CRB3: variants seen among roughly 807,000 people sequenced by gnomAD.
CRB3 encodes crumbs cell polarity complex component 3, also known as protein crumbs homolog 3.
In CRB3, 4 loss-of-function variants were observed where a neutral mutation model predicts 10.4. The ratio of observed to expected loss-of-function variants is 0.39; its 90% CI spans 0.19 to 0.88. CRB3 has a LOEUF of 0.88. CRB3 is among the 40% of genes least tolerant of loss of function. The pLI is 0.39. For synonymous variants in CRB3, 74 were observed against 73.4 expected, an observed-to-expected ratio of 1.01 and a Z score of -0.04; for missense variants, 154 against 160.2, an observed-to-expected ratio of 0.96 and a Z score of 0.21.
Position 6,467,203 on chromosome 19 carries a change from G to A in CRB3, c.*531G>A, listed in dbSNP as rs749180818. 3.0e-5 allele frequency: 16 copies of A among 530,754 alleles called. No homozygotes were observed. Among genetic ancestry groups the A allele is most frequent in the Admixed American group, 7.2e-5 (2 of 27,626 alleles). 32.9% of individuals were successfully genotyped at this position (530,754 alleles called of 1,614,324 possible). The stretch of plus-strand genomic sequence containing the variant: ...ACTTTTATATATTTATATAAAATTA[G>A]TAGTGAGATGTAACAAAAGCTTTAT... On this transcript the variant is annotated 3_prime_UTR_variant, in exon 4 of 4. Coordinates refer to ENST00000600229, the MANE Select transcript of CRB3 (RefSeq NM_139161.5).
Position 6,466,660 on chromosome 19 carries a change from G to A in CRB3, c.351G>A (p.Glu117=). The A allele has an allele frequency of 6.2e-7, 1 of 1,600,802 alleles. No individual in the cohort carries two copies. The highest frequency in any genetic ancestry group is 8.5e-7 in the Non-Finnish European group (1 of 1,179,722). The change falls in exon 4 of 4, where the codon GAG becomes GAA. Residue 117 remains glutamate, a synonymous_variant. Coordinates refer to ENST00000600229, the MANE Select transcript of CRB3 (RefSeq NM_139161.5). The surrounding 1 kb of genome is among the most constrained non-coding windows in gnomAD (Gnocchi z 4.9). ...PTPNLKLPPE[E]RLI ...CCAACCTCAAGTTGCCGCCGGAAGA[G>A]CGGCTCATCTGAACGCTGGGGCCTG...
chr19:6,466,631 A>AC lies in CRB3; in HGVS notation c.327dup (p.Asn110GlnfsTer129). 1 of 1,602,992 alleles carries AC rather than the reference A, an allele frequency of 6.2e-7. No homozygotes were observed. The highest frequency in any genetic ancestry group is 8.5e-7 in the Non-Finnish European group (1 of 1,179,730). On this transcript the variant is annotated frameshift_variant, in exon 4 of 4. Transcript: ENST00000600229. LOFTEE classifies it high-confidence loss of function. This position sits in a 1 kb window ranked among gnomAD's most constrained non-coding sequence, Gnocchi z 4.9. Reference sequence around the variant, plus strand: ...GCAGGTGGGTGCCCGCGTGCCACCGACCCCCAACCTCAAGTTGCCGCCGGA... The same window carrying AC: ...GCAGGTGGGTGCCCGCGTGCCACCGACCCCCCAACCTCAAGTTGCCGCCGGA...
At chr19:6,465,060 G>T in intron 2 of CRB3, 1 of 342,954 alleles carries the variant, frequency 2.9e-6, no homozygotes, top group Non-Finnish European at 5.2e-6. Context: ...TAGGACTTGG[G>T]GGGAGGTAAG....
Position 6,464,534 on chromosome 19 carries a change from G to A in CRB3, c.-94-74G>A. 4 of 403,422 alleles carry A rather than the reference G, an allele frequency of 9.9e-6. No individual in the cohort carries two copies. The highest frequency in any genetic ancestry group is 1.7e-5 in the Non-Finnish European group (4 of 231,782). The allele number at this position is 403,422 out of a possible 1,614,324, so 25.0% of individuals were successfully genotyped here. The stretch of plus-strand genomic sequence containing the variant: ...ACTCATGGGTGCCCTGGCGCCAGTT[G>A]TCTCTCCTGTGGGCCTGCGCCGGGG... On this transcript the variant is annotated intron_variant, in intron 1 of 3. Transcript: ENST00000600229. This position sits in a 1 kb window ranked among gnomAD's most constrained non-coding sequence, Gnocchi z 5.3.
At chr19:6,465,519 T>G (rs758462578) in intron 2 of CRB3, 26 bp from the exon 3 acceptor site, 2 of 1,601,192 alleles carry the variant, frequency 1.2e-6, no homozygotes, top group South Asian at 2.2e-5. Flanking sequence ...GGAGACTGAG[T>G]TATTCTCTGC....
rs1479829094 is a variant in CRB3 at position 6,466,606 on chromosome 19, G to A, written c.297G>A (p.Glu99=). 6.2e-7 allele frequency: 1 copy of A among 1,606,566 alleles called. No homozygotes were observed. ...GCACCTACCGGCCCAGTAGCGAGGAGCAGGTGGGTGCCCGCGTGCCACCGA... is the reference window on the plus strand; with the variant it reads ...GCACCTACCGGCCCAGTAGCGAGGAACAGGTGGGTGCCCGCGTGCCACCGA... The part of the protein sequence containing the change: ...TEGTYRPSSE[E]QVGARVPPTP... The change falls in exon 4 of 4, where the codon GAG becomes GAA. Residue 99 remains glutamate, a synonymous_variant. Transcript: ENST00000600229. This position sits in a 1 kb window ranked among gnomAD's most constrained non-coding sequence, Gnocchi z 4.9.
chr19:6,464,115 G>T (rs757770398), upstream of CRB3: 1 of 151,908 alleles, frequency 6.6e-6, no homozygotes, highest in South Asian at 2.1e-4. The surrounding 1 kb of genome is among the most constrained non-coding windows in gnomAD (Gnocchi z 5.3). Flanking sequence ...AGGGACTGGG[G>T]TCCCGTTACA....
In CRB3 at chr19:6,466,709, G is replaced by A; in HGVS notation, c.*37G>A. 1 of 1,587,216 alleles carries A rather than the reference G, an allele frequency of 6.3e-7. No individual in the cohort carries two copies. The highest frequency in any genetic ancestry group is 8.5e-7 in the Non-Finnish European group (1 of 1,173,918). On this transcript the variant is annotated 3_prime_UTR_variant, in exon 4 of 4. Coordinates refer to ENST00000600229, the MANE Select transcript of CRB3 (RefSeq NM_139161.5). The surrounding 1 kb of genome is among the most constrained non-coding windows in gnomAD (Gnocchi z 4.9). ...TGCTGCAGCCACCAACACTGCCCAGGACTGCGGGTTGCTGGCTTGTACACC... is the reference window on the plus strand; with the variant it reads ...TGCTGCAGCCACCAACACTGCCCAGAACTGCGGGTTGCTGGCTTGTACACC...
Position 6,464,443 on chromosome 19 carries a change from G to T in CRB3, c.-95+93G>T. On this transcript the variant is annotated intron_variant, in intron 1 of 3. Transcript: ENST00000600229. The surrounding 1 kb of genome is among the most constrained non-coding windows in gnomAD (Gnocchi z 5.3). Reference sequence around the variant, plus strand: ...CCGTCCCGTCCCCTTCCTTTCCCCAGCCCAGGAACGCGCTCCTGGGAGTTA... The same window carrying T: ...CCGTCCCGTCCCCTTCCTTTCCCCATCCCAGGAACGCGCTCCTGGGAGTTA... 2.8e-6 allele frequency: 1 copy of T among 360,178 alleles called. No individual in the cohort carries two copies. The highest frequency in any genetic ancestry group is 5.0e-6 in the Non-Finnish European group (1 of 201,842). 22.3% of individuals were successfully genotyped at this position (360,178 alleles called of 1,614,324 possible). A position where few individuals can be genotyped will look rare whatever the true frequency, so the allele number is the denominator to read the frequency against.
At chr19:6,465,475 C>A in intron 2 of CRB3, 70 bp from the exon 3 acceptor site, 1 of 1,272,826 alleles carries the variant, frequency 7.9e-7, no homozygotes, top group Non-Finnish European at 1.2e-6. Context: ...ATGCCCAAAG[C>A]AGGTGCAGAT....
At chr19:6,465,063 G>T in intron 2 of CRB3, 1 of 342,254 alleles carries the variant, frequency 2.9e-6, no homozygotes, top group Non-Finnish European at 5.2e-6. Context: ...GACTTGGGGG[G>T]AGGTAAGGGC....
At chr19:6,465,938 C>T (rs1439906488) in intron 3 of CRB3, among the ~76,000 whole-genome samples, 2 of 152,054 alleles carry the variant, frequency 1.3e-5, no homozygotes, top group African/African-American at 4.8e-5. Context: ...CGGTGGCTCA[C>T]GCCTGTAATC....
upstream of CRB3, chr19:6,464,221 A>G (rs1049864083): frequency 6.5e-6 from 1 of 153,202 alleles, no homozygotes; most frequent in Non-Finnish European, 1.5e-5. The surrounding 1 kb of genome is among the most constrained non-coding windows in gnomAD (Gnocchi z 5.3). Flanking sequence ...CAGGTGAGTG[A>G]CTAAACTTTC....
In CRB3 at chr19:6,466,396, G is replaced by T. The variant is rs1211731112; in HGVS notation, c.157-70G>T. ...GTTGTGGGGTAGGGGGTGATGAGGG[G>T]GATGCCATTCAGGTGGAGGTGGACA... On this transcript the variant is annotated intron_variant, in intron 3 of 3. Transcript: ENST00000600229. The surrounding 1 kb of genome is among the most constrained non-coding windows in gnomAD (Gnocchi z 4.9). The T allele has an allele frequency of 7.9e-7, 1 of 1,272,014 alleles. No individual in the cohort carries two copies. The highest frequency in any genetic ancestry group is 1.2e-5 in the South Asian group (1 of 82,850). The allele number at this position is 1,272,014 out of a possible 1,614,324, so 78.8% of individuals were successfully genotyped here. A position where few individuals can be genotyped will look rare whatever the true frequency, so the allele number is the denominator to read the frequency against.
At position 6,466,544 on chromosome 19, in the gene CRB3, T is replaced by G; in HGVS notation, c.235T>G (p.Leu79Val). The change falls in exon 4 of 4, where the codon TTG (leucine) becomes GTG (valine). Residue 79 changes from leucine (L) to valine (V), a missense_variant. Leu to Val is a conservative substitution (Grantham distance 32). Coordinates refer to ENST00000600229, the MANE Select transcript of CRB3 (RefSeq NM_139161.5). This position sits in a 1 kb window ranked among gnomAD's most constrained non-coding sequence, Gnocchi z 4.9. ...GCTCCTGGCTGTGGGGCTGGCACTGTTGGTGCGGAAGCTTCGGGAGAAGCG... is the reference window on the plus strand; with the variant it reads ...GCTCCTGGCTGTGGGGCTGGCACTGGTGGTGCGGAAGCTTCGGGAGAAGCG... ...ALLLAVGLAL[L>V]VRKLREKRQT... 6.2e-7 allele frequency: 1 copy of G among 1,613,220 alleles called. No individual in the cohort carries two copies. Among genetic ancestry groups the G allele is most frequent in the Non-Finnish European group, 8.5e-7 (1 of 1,179,980 alleles).
Position 6,466,859 on chromosome 19 carries a change from G to T in CRB3, c.*187G>T. On this transcript the variant is annotated 3_prime_UTR_variant, in exon 4 of 4. Coordinates refer to ENST00000600229, the MANE Select transcript of CRB3 (RefSeq NM_139161.5). This position sits in a 1 kb window ranked among gnomAD's most constrained non-coding sequence, Gnocchi z 4.9. ...TGCTTGGCTGTGCCTGCAGCTCAGGGTGCTGGGGCTCGGGACCCACCCCCC... is the reference window on the plus strand; with the variant it reads ...TGCTTGGCTGTGCCTGCAGCTCAGGTTGCTGGGGCTCGGGACCCACCCCCC... 1.9e-6 allele frequency: 3 copies of T among 1,571,566 alleles called. No homozygotes were observed. The South Asian group carries it at 3.6e-5, about 19-fold the overall frequency.
At position 6,466,545 on chromosome 19, in the gene CRB3, T is replaced by C. The variant is rs746642666; in HGVS notation, c.236T>C (p.Leu79Ser). ...ALLLAVGLAL[L>S]VRKLREKRQT... Reference sequence around the variant, plus strand: ...CTCCTGGCTGTGGGGCTGGCACTGTTGGTGCGGAAGCTTCGGGAGAAGCGG... The same window carrying C: ...CTCCTGGCTGTGGGGCTGGCACTGTCGGTGCGGAAGCTTCGGGAGAAGCGG... The change falls in exon 4 of 4, where the codon TTG (leucine) becomes TCG (serine). Residue 79 changes from leucine (L) to serine (S), a missense_variant. Coordinates refer to ENST00000600229, the MANE Select transcript of CRB3 (RefSeq NM_139161.5). The surrounding 1 kb of genome is among the most constrained non-coding windows in gnomAD (Gnocchi z 4.9). 1 of 1,613,168 alleles carries C rather than the reference T, an allele frequency of 6.2e-7. No homozygotes were observed. The highest frequency in any genetic ancestry group is 8.5e-7 in the Non-Finnish European group (1 of 1,179,980).
rs1047083465 is a variant in CRB3, at chr19:6,466,159, A to T, written c.157-307A>T. On this transcript the variant is annotated intron_variant, in intron 3 of 3. Coordinates refer to ENST00000600229, the MANE Select transcript of CRB3 (RefSeq NM_139161.5). The surrounding 1 kb of genome is among the most constrained non-coding windows in gnomAD (Gnocchi z 4.9). ...GAGGTTGCAGTGAGCCGAGATTGTG[A>T]CACTGCACTCCAGCCTGGGCAACAG... Among the ~76,000 whole-genome samples the T allele has an allele frequency of 9.9e-5, 15 of 151,754 alleles. No homozygotes were observed. Among genetic ancestry groups the T allele is most frequent in the African/African-American group, 3.6e-4 (15 of 41,304 alleles).
At position 6,464,634 on chromosome 19, in the gene CRB3, G is replaced by C; in HGVS notation, c.-68G>C. ...TGCCCCGTCGCAGGTGCCCCTGGCC[G>C]GAGATGCGGTAGGAGGGGCGAGCGC... On this transcript the variant is annotated 5_prime_UTR_variant, in exon 2 of 4. Transcript: ENST00000600229. This position sits in a 1 kb window ranked among gnomAD's most constrained non-coding sequence, Gnocchi z 5.3. 9.9e-7 allele frequency: 1 copy of C among 1,005,348 alleles called. No homozygotes were observed. Among genetic ancestry groups the C allele is most frequent in the Admixed American group, 4.3e-5 (1 of 23,418 alleles). The allele number at this position is 1,005,348 out of a possible 1,614,324, so 62.3% of individuals were successfully genotyped here.
Sources: gnomAD v4.1 joint callset for allele counts (sites outside exome capture counted in the v4.1 genomes callset) on GRCh38, gnomAD v4.1.1 for gene constraint, Gnocchi (gnomAD v3.1) non-coding constraint, MANE v1.5 for transcripts, NCBI Gene and HGNC (gene_info 2026-07-23, HGNC 2026-07-21) for gene names.